ADCY1: variants seen among roughly 807,000 people sequenced by gnomAD.
The protein encoded by ADCY1 is adenylate cyclase type 1.
Under a neutral mutation model 105.4 loss-of-function variants are expected in ADCY1, and 28 were observed. The observed-to-expected ratio is 0.27, with a 90% CI of 0.20 to 0.36. The LOEUF is 0.36. ADCY1 is among the 10% of genes least tolerant of loss of function. The pLI is 1.00. For missense variants in ADCY1, 977 were observed against 1,434.2 expected (o/e 0.68, Z 5.15); for synonymous variants, 655 against 623.8 (o/e 1.05, Z -0.75).
intron 19 of ADCY1, among the ~76,000 whole-genome samples, chr7:45,711,063 A>G (rs1785221876): frequency 6.6e-6 from 1 of 152,212 alleles, no homozygotes; most frequent in Non-Finnish European, 1.5e-5. Flanking sequence ...ACTTGTGGGC[A>G]GCTGAGGTGG....
At chr7:45,644,477 T>A (rs527724751) in intron 4 of ADCY1, among the ~76,000 whole-genome samples, 1 of 152,338 alleles carries the variant, frequency 6.6e-6, no homozygotes, top group African/African-American at 2.4e-5. Flanking sequence ...CGCAGCTCTT[T>A]AGGCCATACC....
chr7:45,610,734 AGGTGGGG>A, intron 3 of ADCY1, among the ~76,000 whole-genome samples: 1 of 142,336 alleles, frequency 7.0e-6, no homozygotes, highest in Non-Finnish European at 1.5e-5. Flanking sequence ...GGGATAGTGG[AGGTGGGG>A]AGGTGATGAT....
At chr7:45,637,539 T>A (rs1013289802) in intron 4 of ADCY1, among the ~76,000 whole-genome samples, 29 of 152,032 alleles carry the variant, frequency 1.9e-4, no homozygotes, top group African/African-American at 6.0e-4. Flanking sequence ...CTGGACAACA[T>A]AATGAGACCC....
At chr7:45,630,610 C>G (rs1203404474) in intron 4 of ADCY1, among the ~76,000 whole-genome samples, 3 of 152,084 alleles carry the variant, frequency 2.0e-5, no homozygotes, top group Admixed American at 6.6e-5. Flanking sequence ...GCTGTGTGTT[C>G]CTCTTCATTC....
chr7:45,616,911 G>A (rs1392073428), intron 3 of ADCY1, among the ~76,000 whole-genome samples: 1 of 152,188 alleles, frequency 6.6e-6, no homozygotes, highest in South Asian at 2.1e-4. Flanking sequence ...CCACAGGAGG[G>A]GCAAGTGAGA....
In ADCY1 at chr7:45,575,215, C is replaced by A; in HGVS notation, c.639+33C>A. 7.1e-6 allele frequency: 11 copies of A among 1,543,590 alleles called. No homozygotes were observed. The highest frequency in any genetic ancestry group is 9.6e-6 in the Non-Finnish European group (11 of 1,148,870). The stretch of plus-strand genomic sequence containing the variant: ...CAGCCGCGCACCCCTCATCTGGTCT[C>A]GGACACACTTGCTGGGACGATGCTG... On this transcript the variant is annotated intron_variant, in intron 1 of 19. Coordinates refer to ENST00000297323, the MANE Select transcript of ADCY1 (RefSeq NM_021116.4). This position sits in a 1 kb window ranked among gnomAD's most constrained non-coding sequence, Gnocchi z 4.7.
In ADCY1 at chr7:45,708,484, T is replaced by G; in HGVS notation, c.2932+20T>G. On this transcript the variant is annotated intron_variant, in intron 18 of 19. Coordinates refer to ENST00000297323, the MANE Select transcript of ADCY1 (RefSeq NM_021116.4). This position sits in a 1 kb window ranked among gnomAD's most constrained non-coding sequence, Gnocchi z 4.7. ...GAGTTGGTATGTGGCTCTAAACCTA[T>G]CCTGTCCATCCATGTGGAACACCTT... The G allele has an allele frequency of 6.4e-7, 1 of 1,568,982 alleles. No individual in the cohort carries two copies. Among genetic ancestry groups the G allele is most frequent in the Non-Finnish European group, 8.8e-7 (1 of 1,139,216 alleles).
intron 3 of ADCY1, among the ~76,000 whole-genome samples, chr7:45,621,066 G>A: frequency 6.6e-6 from 1 of 152,170 alleles, no homozygotes; most frequent in Admixed American, 6.5e-5. Flanking sequence ...AGTGAGGTTT[G>A]TTCAAATCCT....
At chr7:45,711,711 AT>A (rs1247871915) in intron 19 of ADCY1, among the ~76,000 whole-genome samples, 1 of 143,448 alleles carries the variant, frequency 7.0e-6, no homozygotes, top group African/African-American at 2.6e-5. Context: ...ATATACATAT[AT>A]GTGTGTATAT....
Position 45,574,925 on chromosome 7 carries a change from C to A in ADCY1, c.382C>A (p.Leu128Ile), listed in dbSNP as rs1477560066. 6.2e-7 allele frequency: 1 copy of A among 1,611,968 alleles called. No individual in the cohort carries two copies. Among genetic ancestry groups the A allele is most frequent in the Non-Finnish European group, 8.5e-7 (1 of 1,179,756 alleles). The change falls in exon 1 of 20, where the codon CTC becomes ATC. Residue 128 changes from leucine (L) to isoleucine (I), a missense_variant. Coordinates refer to ENST00000297323, the MANE Select transcript of ADCY1 (RefSeq NM_021116.4). This position sits in a 1 kb window ranked among gnomAD's most constrained non-coding sequence, Gnocchi z 7.0. Reference sequence around the variant, plus strand: ...GCAGCAGGTCGGCCAGCTGGCGCTGCTCTTCAGCCTCACCTTCGCGCTGCT... The same window carrying A: ...GCAGCAGGTCGGCCAGCTGGCGCTGATCTTCAGCCTCACCTTCGCGCTGCT... ...QLQQVGQLAL[L>I]FSLTFALLCC...
Position 45,574,623 on chromosome 7 carries a change from C to T in ADCY1, c.80C>T (p.Thr27Ile). Reference protein sequence around the residue: ...EPGGAERAAGTSRRRGLRACD... With the variant: ...EPGGAERAAGISRRRGLRACD... ...GGGGGCGCCGAGCGGGCGGCCGGGA[C>T]AAGCCGCCGGCGCGGGCTCCGGGCG... is the stretch of plus-strand genomic sequence containing the variant. The change falls in exon 1 of 20, where the codon ACA (threonine) becomes ATA (isoleucine). Residue 27 changes from threonine (T) to isoleucine (I), a missense_variant. Physicochemically the swap from Thr to Ile is moderately conservative, Grantham distance 89 (BLOSUM62 -1). Transcript: ENST00000297323. This position sits in a 1 kb window ranked among gnomAD's most constrained non-coding sequence, Gnocchi z 7.0. The T allele has an allele frequency of 8.4e-7, 1 of 1,189,778 alleles. No individual in the cohort carries two copies. Among genetic ancestry groups the T allele is most frequent in the Non-Finnish European group, 1.0e-6 (1 of 962,276 alleles). 73.7% of individuals were successfully genotyped at this position (1,189,778 alleles called of 1,614,324 possible). A position where few individuals can be genotyped will look rare whatever the true frequency, so the allele number is the denominator to read the frequency against.
chr7:45,588,697 G>C (rs990977787), intron 1 of ADCY1, among the ~76,000 whole-genome samples: 3 of 152,116 alleles, frequency 2.0e-5, no homozygotes, highest in Admixed American at 6.5e-5. Flanking sequence ...CGAGCATGCT[G>C]GTGCTCAGTC....
At chr7:45,601,085 G>A (rs1038007872) in intron 2 of ADCY1, among the ~76,000 whole-genome samples, 8 of 152,174 alleles carry the variant, frequency 5.3e-5, no homozygotes, top group African/African-American at 1.9e-4. Flanking sequence ...GAGATGCTGC[G>A]TGTGAGTCCT....
At chr7:45,676,117 G>A (rs1784452677) in intron 8 of ADCY1, among the ~76,000 whole-genome samples, 2 of 151,566 alleles carry the variant, frequency 1.3e-5, no homozygotes, top group Non-Finnish European at 2.9e-5. Flanking sequence ...CTGTCTTCTA[G>A]GTCAGGAATT....
intron 1 of ADCY1, among the ~76,000 whole-genome samples, chr7:45,588,480 C>T (rs1488696907): frequency 3.3e-5 from 5 of 152,228 alleles, no homozygotes; most frequent in African/African-American, 1.2e-4. Flanking sequence ...AGAGCTAGAA[C>T]ATATATGTGC....
chr7:45,599,716 T>A (rs1386076787), intron 2 of ADCY1, among the ~76,000 whole-genome samples: 1 of 150,950 alleles, frequency 6.6e-6, no homozygotes, highest in Non-Finnish European at 1.5e-5. Context: ...AACCTCCGCC[T>A]CCCGGGTTCA....
At chr7:45,579,569 G>C (rs906102672) in intron 1 of ADCY1, among the ~76,000 whole-genome samples, 1 of 152,198 alleles carries the variant, frequency 6.6e-6, no homozygotes, top group African/African-American at 2.4e-5. Flanking sequence ...CATCTGCTGT[G>C]CATCCATCTG....
At position 45,629,191 on chromosome 7, in the gene ADCY1, A is replaced by G. The variant is rs551076171; in HGVS notation, c.1020+6448A>G. Reference sequence around the variant, plus strand: ...GTTGGAATTTTCTAGAACCTTATATATATGGAACAAAGCAATATGTACTCT... The same window carrying G: ...GTTGGAATTTTCTAGAACCTTATATGTATGGAACAAAGCAATATGTACTCT... On this transcript the variant is annotated intron_variant, in intron 4 of 19. Transcript: ENST00000297323. 2.0e-5 allele frequency among the ~76,000 whole-genome samples: 3 copies of G among 152,328 alleles called. No individual in the cohort carries two copies. The South Asian group carries it at 6.2e-4, about 32-fold the overall frequency.
At chr7:45,682,015 A>G (rs894369930) in intron 11 of ADCY1, among the ~76,000 whole-genome samples, 1 of 151,634 alleles carries the variant, frequency 6.6e-6, no homozygotes, top group Non-Finnish European at 1.5e-5. Context: ...GGGTATGTCA[A>G]CTCCAGGCTT....
Sources: allele counts gnomAD v4.1 joint callset (sites outside exome capture counted in the v4.1 genomes callset), GRCh38; gene constraint gnomAD v4.1.1; non-coding constraint Gnocchi (gnomAD v3.1); transcripts MANE v1.5; gene names NCBI Gene and HGNC (gene_info 2026-07-23, HGNC 2026-07-21).